The following SH3BP2 variants were observed in gnomAD, a reference collection of about 807,000 sequenced individuals.
SH3BP2 encodes the protein SH3 domain binding protein 2, also known as SH3 domain-binding protein 2.
Under a neutral mutation model 56.2 loss-of-function variants are expected in SH3BP2, and 38 were observed. That is an observed-to-expected ratio of 0.68 (90% CI 0.52 to 0.89). The LOEUF is 0.89. Among genes scored for constraint, SH3BP2 ranks in the 40% least tolerant of loss-of-function variants. SH3BP2 has a pLI of 0.00. For missense variants in SH3BP2, 748 were observed against 762.6 expected (o/e 0.98, Z 0.23); for synonymous variants, 346 against 316.7 (o/e 1.09, Z -0.98).
intron 1 of SH3BP2, among the ~76,000 whole-genome samples, chr4:2,813,341 C>T (rs535719158): frequency 3.1e-4 from 47 of 152,222 alleles, no homozygotes; most frequent in Non-Finnish European, 5.6e-4. Flanking sequence ...CAAGTTTCTT[C>T]GTCAGTGACT....
At chr4:2,794,897 G>C (rs763446723) in intron 1 of SH3BP2, among the ~76,000 whole-genome samples, 1 of 152,228 alleles carries the variant, frequency 6.6e-6, no homozygotes, top group African/African-American at 2.4e-5. Context: ...CCAGAGAGAC[G>C]AGATGGCCAG....
chr4:2,810,689 C>T lies in SH3BP2; in HGVS notation c.-4-9925C>T, dbSNP rs545186867. Among the ~76,000 whole-genome samples, 24 of 152,204 alleles carry T rather than the reference C, an allele frequency of 1.6e-4. No homozygotes were observed. The South Asian group carries it at 5.0e-3, about 32-fold the overall frequency. ...CCTCACCCCAGCTCCTTCCAGCAAA[C>T]TTCCTCCTCTATCAAAGCTGGGCCC... On this transcript the variant is annotated intron_variant, in intron 1 of 12. Coordinates refer to ENST00000503393, the MANE Select transcript of SH3BP2 (RefSeq NM_001122681.2). The surrounding 1 kb of genome is among the most constrained non-coding windows in gnomAD (Gnocchi z 4.2).
intron 5 of SH3BP2, 154 bp downstream of exon 5, chr4:2,825,350 T>G: frequency 1.1e-5 from 8 of 701,056 alleles, no homozygotes; most frequent in Non-Finnish European, 2.1e-5. Flanking sequence ...TCTGCTCCTG[T>G]CTACAGATAA....
At chr4:2,832,558 C>A (rs1691292795) in intron 11 of SH3BP2, 146 bp downstream of exon 11, 5 of 728,450 alleles carry the variant, frequency 6.9e-6, no homozygotes, top group Admixed American at 2.0e-5. Flanking sequence ...CCCAGCAGCA[C>A]CCCCCAATCT....
At chr4:2,802,002 G>A (rs948596722) in intron 1 of SH3BP2, among the ~76,000 whole-genome samples, 1 of 152,130 alleles carries the variant, frequency 6.6e-6, no homozygotes, top group African/African-American at 2.4e-5. Flanking sequence ...CAGCTACTCG[G>A]GAGGCTGAGA....
chr4:2,811,676 T>C (rs554109166), intron 1 of SH3BP2: 46 of 155,170 alleles, frequency 3.0e-4, no homozygotes, highest in Non-Finnish European at 4.7e-4. Context: ...AACCAGATGT[T>C]AGCAGAGCTG....
intron 12 of SH3BP2, chr4:2,833,347 C>T: frequency 3.5e-6 from 2 of 575,602 alleles, no homozygotes; most frequent in South Asian, 2.0e-5. Flanking sequence ...CTGTCTTTCT[C>T]AGGCTGGTTT....
intron 1 of SH3BP2, among the ~76,000 whole-genome samples, chr4:2,816,528 C>G (rs1299311102): frequency 2.6e-5 from 4 of 152,168 alleles, no homozygotes; most frequent in African/African-American, 9.7e-5. Flanking sequence ...TGTTCCTGTT[C>G]TTGGGGGAAA....
chr4:2,802,806 A>G (rs748912399), intron 1 of SH3BP2, among the ~76,000 whole-genome samples: 30 of 152,174 alleles, frequency 2.0e-4, no homozygotes, highest in Admixed American at 9.8e-4. Context: ...ATGAGTGGAC[A>G]GAGGGAAGGG....
chr4:2,798,897 A>G (rs1723148578), intron 1 of SH3BP2: 3 of 839,154 alleles, frequency 3.6e-6, no homozygotes, highest in Non-Finnish European at 4.3e-6. Flanking sequence ...CAGGGCAGGG[A>G]CAGGAAGTGC....
At position 2,824,844 on chromosome 4, in the gene SH3BP2, G is replaced by C. The variant is rs753127716; in HGVS notation, c.357+114G>C. 51 of 846,258 alleles carry C rather than the reference G, an allele frequency of 6.0e-5. 1 individual carries two copies. In the East Asian group the frequency reaches 1.3e-3, roughly 21 times the overall value. 52.4% of individuals were successfully genotyped at this position (846,258 alleles called of 1,614,324 possible). ...CCTGGGGCGCTGGCCTCTCAGCCCC[G>C]GGCAAAGAGAAGGTGTGGCTGGGAC... On this transcript the variant is annotated intron_variant, in intron 4 of 12. Coordinates refer to ENST00000503393, the MANE Select transcript of SH3BP2 (RefSeq NM_001122681.2).
intron 1 of SH3BP2, chr4:2,818,388 G>A (rs1291584559): frequency 8.5e-7 from 1 of 1,179,250 alleles, no homozygotes; most frequent in Non-Finnish European, 1.0e-6. Context: ...CCGCGTGGAC[G>A]CCGTGAGTAC....
At chr4:2,796,015 C>A (rs1723049554) in intron 1 of SH3BP2, among the ~76,000 whole-genome samples, 1 of 152,174 alleles carries the variant, frequency 6.6e-6, no homozygotes, top group South Asian at 2.1e-4. Flanking sequence ...GGCACTGGAC[C>A]CTCCTCACCA....
chr4:2,805,146 C>T (rs969546446), intron 1 of SH3BP2, among the ~76,000 whole-genome samples: 3 of 152,230 alleles, frequency 2.0e-5, no homozygotes, highest in Non-Finnish European at 2.9e-5. Flanking sequence ...GAGCCCTCTG[C>T]TTCTGCTTCC....
intron 1 of SH3BP2, among the ~76,000 whole-genome samples, chr4:2,797,152 G>C (rs371495067): frequency 1.1e-4 from 17 of 152,304 alleles, no homozygotes; most frequent in African/African-American, 4.1e-4. Flanking sequence ...GGGTCCCCAT[G>C]CCCTGCAGCC....
chr4:2,821,583 A>G (rs916248997), intron 2 of SH3BP2, among the ~76,000 whole-genome samples: 4 of 152,198 alleles, frequency 2.6e-5, no homozygotes, highest in Non-Finnish European at 5.9e-5. Flanking sequence ...TTTTCGAGAC[A>G]GGGTCTTGCT....
chr4:2,802,404 A>ATG (rs1175501543), intron 1 of SH3BP2, among the ~76,000 whole-genome samples: 8,441 of 135,860 alleles, frequency 0.062, 287 homozygotes, highest in African/African-American at 0.097. Context: ...AAAAAAATAT[A>ATG]TGTGTGTGTG....
rs573621751 is a variant in SH3BP2, at chr4:2,810,576, C to G, written c.-4-10038C>G. Among the ~76,000 whole-genome samples, 3 of 152,106 alleles carry G rather than the reference C, an allele frequency of 2.0e-5. No homozygotes were observed. The highest frequency in any genetic ancestry group is 7.2e-5 in the African/African-American group (3 of 41,486). On this transcript the variant is annotated intron_variant, in intron 1 of 12. Coordinates refer to ENST00000503393, the MANE Select transcript of SH3BP2 (RefSeq NM_001122681.2). The surrounding 1 kb of genome is among the most constrained non-coding windows in gnomAD (Gnocchi z 4.2). ...TTCTTATCTTCATGGGTTGTCATCCCTGAAGCTGTGCGTTGGCCACCTCAT... is the reference window on the plus strand; with the variant it reads ...TTCTTATCTTCATGGGTTGTCATCCGTGAAGCTGTGCGTTGGCCACCTCAT...
chr4:2,840,433 A>C lies in SH3BP2; in HGVS notation c.*6599A>C, dbSNP rs1457459027. The C allele has an allele frequency of 6.6e-6, 1 of 151,928 alleles. No individual in the cohort carries two copies. The highest frequency in any genetic ancestry group is 1.9e-4 in the East Asian group (1 of 5,192). 9.4% of individuals were successfully genotyped at this position (151,928 alleles called of 1,614,324 possible). On this transcript the variant is annotated 3_prime_UTR_variant, in exon 13 of 13. Coordinates refer to ENST00000503393, the MANE Select transcript of SH3BP2 (RefSeq NM_001122681.2). ...TTTTTTTCTCTCCATAGGGTTACAC[A>C]CCTGTCCTATCATTGTTTGTAATCT...
Sources: allele counts gnomAD v4.1 joint callset (sites outside exome capture counted in the v4.1 genomes callset), GRCh38; gene constraint gnomAD v4.1.1; non-coding constraint Gnocchi (gnomAD v3.1); transcripts MANE v1.5; gene names NCBI Gene and HGNC (gene_info 2026-07-23, HGNC 2026-07-21).